Variants in BAIAP2 observed in about 807,000 individuals in gnomAD.
BAIAP2 encodes the protein BAR/IMD domain containing adaptor protein 2.
A neutral mutation model predicts 63.0 loss-of-function variants in BAIAP2; 18 were observed. The ratio of observed to expected loss-of-function variants is 0.29; its 90% CI spans 0.20 to 0.42. BAIAP2 has a LOEUF of 0.42. Ranked by LOEUF, BAIAP2 falls within the 10% of genes least tolerant of loss-of-function variation. The probability of loss-of-function intolerance (pLI) is 1.00; values close to 1 mark genes in which losing one functional copy is unlikely to be tolerated. For missense variants in BAIAP2, 610 were observed against 734.3 expected, an observed-to-expected ratio of 0.83 and a Z score of 1.96; for synonymous variants, 386 against 307.6, an observed-to-expected ratio of 1.25 and a Z score of -2.67.
intron 13 of BAIAP2, among the ~76,000 whole-genome samples, chr17:81,115,279 G>T (rs1013349196): frequency 1.3e-5 from 2 of 152,232 alleles, no homozygotes; most frequent in African/African-American, 4.8e-5. Context: ...CGGGAGCCGT[G>T]AGCCTAACCT....
At chr17:81,076,890 G>A (rs539051850) in intron 3 of BAIAP2, among the ~76,000 whole-genome samples, 4 of 152,250 alleles carry the variant, frequency 2.6e-5, no homozygotes, top group South Asian at 4.2e-4. Flanking sequence ...AGGATCCCTC[G>A]AACCCAGGAG....
chr17:81,077,092 G>A (rs1442012405), intron 3 of BAIAP2, among the ~76,000 whole-genome samples: 2 of 152,200 alleles, frequency 1.3e-5, no homozygotes, highest in Non-Finnish European at 2.9e-5. Flanking sequence ...TGAAGTGTTG[G>A]GAATAGGCCG....
At chr17:81,080,171 G>A (rs1033082086) in intron 3 of BAIAP2, among the ~76,000 whole-genome samples, 6 of 152,344 alleles carry the variant, frequency 3.9e-5, no homozygotes, top group South Asian at 2.1e-4. Flanking sequence ...CATGTGCCCC[G>A]TCCTTCCAGC....
chr17:81,081,050 C>T (rs1433304107), intron 3 of BAIAP2, among the ~76,000 whole-genome samples: 2 of 152,204 alleles, frequency 1.3e-5, no homozygotes, highest in Admixed American at 6.5e-5. Context: ...GTGGGTTCCC[C>T]CTCTCAGGCC....
chr17:81,100,355 C>T (rs2058320598), intron 7 of BAIAP2, among the ~76,000 whole-genome samples: 1 of 92,924 alleles, frequency 1.1e-5, no homozygotes, highest in Non-Finnish European at 2.6e-5. Context: ...CTAGAATGTT[C>T]TTGGCTCTTC....
chr17:81,073,758 A>AT (rs2053129051), intron 3 of BAIAP2, among the ~76,000 whole-genome samples: 1 of 152,226 alleles, frequency 6.6e-6, no homozygotes, highest in Admixed American at 6.5e-5. Flanking sequence ...GAGTAAAAAA[A>AT]GGCACAAATC....
At chr17:81,095,454 A>C (rs1207950488) in intron 6 of BAIAP2, among the ~76,000 whole-genome samples, 1 of 152,104 alleles carries the variant, frequency 6.6e-6, no homozygotes, top group Admixed American at 6.5e-5. Flanking sequence ...CCTGGCCTAG[A>C]TTTCCAGGAT....
At chr17:81,051,707 A>G (rs867410699) in intron 1 of BAIAP2, among the ~76,000 whole-genome samples, 13 of 151,144 alleles carry the variant, frequency 8.6e-5, no homozygotes, top group South Asian at 2.1e-4. Flanking sequence ...TATTTTTTTT[A>G]GAGACAGGGT....
chr17:81,099,138 T>TATGATCTTGCTGTCCCCGTGGACG (rs1357759443), intron 6 of BAIAP2, among the ~76,000 whole-genome samples: 6 of 35,872 alleles, frequency 1.7e-4, no homozygotes, highest in African/African-American at 7.2e-4. Context: ...GACCTGTGGA[T>TATGATCTTGCTGTCCCCGTGGACG]CTGATCTTGC....
At chr17:81,083,431 G>T (rs2054984360) in intron 3 of BAIAP2, 1 of 152,246 alleles carries the variant, frequency 6.6e-6, no homozygotes, top group Non-Finnish European at 1.5e-5. Flanking sequence ...ACTGGAAACA[G>T]TAGCTCAGCA....
rs746349769 is a variant in BAIAP2, at chr17:81,103,609, C to T, written c.750C>T (p.Asn250=). 28 of 1,605,234 alleles carry T rather than the reference C, an allele frequency of 1.7e-5. No individual in the cohort carries two copies. The highest frequency in any genetic ancestry group is 1.6e-4 in the Middle Eastern group (1 of 6,080). ...AVQLMQQVAS[N]GATLPSALSA... is the part of the protein sequence containing the mutation. ...AGCTCATGCAGCAGGTGGCCAGCAA[C>T]GGCGCCACCCTCCCCAGCGCCCTGT... is the stretch of plus-strand genomic sequence containing the variant. Residue 250 remains asparagine, a synonymous_variant, in exon 8 of 14, where the codon AAC becomes AAT. Transcript: ENST00000428708.
At chr17:81,069,269 A>G (rs1360571657) in intron 3 of BAIAP2, among the ~76,000 whole-genome samples, 2 of 152,200 alleles carry the variant, frequency 1.3e-5, no homozygotes, top group African/African-American at 4.8e-5. Context: ...TGCAGGGCCA[A>G]CTGGACTGTG....
rs2057991741 is a variant in BAIAP2 at position 81,098,341 on chromosome 17, C to T, written c.490-1587C>T. ...CCCCAAACTCCCCCTCTCCAGTTTC[C>T]TCCCGAGGCTCACGTTGGAGAGGCC... On this transcript the variant is annotated intron_variant, in intron 6 of 13. Coordinates refer to ENST00000428708, the MANE Select transcript of BAIAP2 (RefSeq NM_001144888.2). 9 of 519,912 alleles carry T rather than the reference C, an allele frequency of 1.7e-5. No homozygotes were observed. In the East Asian group the frequency reaches 3.2e-4, roughly 18 times the overall value. 32.2% of individuals were successfully genotyped at this position (519,912 alleles called of 1,614,324 possible). A position where few individuals can be genotyped will look rare whatever the true frequency, so the allele number is the denominator to read the frequency against.
intron 7 of BAIAP2, among the ~76,000 whole-genome samples, chr17:81,101,180 G>A (rs922699077): frequency 1.8e-4 from 27 of 152,104 alleles, no homozygotes; most frequent in Admixed American, 7.8e-4. Context: ...CAGCCTTGTC[G>A]TTCCTTGTGG....
chr17:81,103,484 C>T lies in BAIAP2; in HGVS notation c.643-18C>T. The stretch of plus-strand genomic sequence containing the variant: ...TGAGCCGGCCCTGACCCCTCCCTTC[C>T]TGCTGCTTCCACTTCAGGGCAAGGA... On this transcript the variant is annotated intron_variant, in intron 7 of 13. Coordinates refer to ENST00000428708, the MANE Select transcript of BAIAP2 (RefSeq NM_001144888.2). 1 of 1,547,070 alleles carries T rather than the reference C, an allele frequency of 6.5e-7. No individual in the cohort carries two copies. Among genetic ancestry groups the T allele is most frequent in the Non-Finnish European group, 8.7e-7 (1 of 1,153,382 alleles).
intron 3 of BAIAP2, among the ~76,000 whole-genome samples, chr17:81,081,314 A>G (rs1268309811): frequency 2.6e-5 from 4 of 152,162 alleles, no homozygotes; most frequent in African/African-American, 9.6e-5. Flanking sequence ...CCACCGTCTC[A>G]GGCTTCCTGA....
intron 3 of BAIAP2, among the ~76,000 whole-genome samples, chr17:81,062,147 C>T (rs1243375597): frequency 6.6e-6 from 1 of 152,166 alleles, no homozygotes; most frequent in Non-Finnish European, 1.5e-5. Flanking sequence ...GATGGGGTTT[C>T]ACCATGTTGT....
intron 13 of BAIAP2, among the ~76,000 whole-genome samples, chr17:81,114,136 A>T (rs1396309195): frequency 4.8e-5 from 6 of 124,636 alleles, no homozygotes; most frequent in East Asian, 2.2e-4. Flanking sequence ...CACCTGCCTA[A>T]TTTTTTTTTT....
intron 1 of BAIAP2, among the ~76,000 whole-genome samples, chr17:81,045,747 C>G (rs536554798): frequency 2.2e-4 from 34 of 152,278 alleles, no homozygotes; most frequent in African/African-American, 7.5e-4. Context: ...GGGTGTCTCC[C>G]TTCGGTCTTC....
Sources: allele counts gnomAD v4.1 joint callset (sites outside exome capture counted in the v4.1 genomes callset), GRCh38; gene constraint gnomAD v4.1.1; transcripts MANE v1.5; gene names NCBI Gene and HGNC (gene_info 2026-07-23, HGNC 2026-07-21).